Variants in IGF2R observed in about 807,000 individuals in gnomAD.
IGF2R encodes cation-independent mannose-6-phosphate receptor.
IGF2R carries 91 observed loss-of-function variants against 270.6 expected under a neutral mutation model. The observed-to-expected ratio is 0.34, with a 90% CI of 0.28 to 0.40. IGF2R has a LOEUF of 0.40. Ranked by LOEUF, IGF2R falls within the 10% of genes least tolerant of loss-of-function variation. IGF2R has a pLI of 1.00. For synonymous variants in IGF2R, 1,316 were observed against 1,258.9 expected (o/e 1.05, Z -0.96); for missense variants, 2,805 against 3,188.3 (o/e 0.88, Z 2.90).
At chr6:159,973,959 TTTC>T (rs1783650592) in intron 1 of IGF2R, among the ~76,000 whole-genome samples, 1 of 152,222 alleles carries the variant, frequency 6.6e-6, no homozygotes, top group African/African-American at 2.4e-5. Context: ...TCTTCCTCCT[TTTC>T]TTCTTTGGAT....
intron 2 of IGF2R, among the ~76,000 whole-genome samples, chr6:159,996,189 C>T (rs1019010854): frequency 9.9e-4 from 150 of 152,220 alleles, no homozygotes; most frequent in African/African-American, 3.2e-3. Context: ...CACCGTCTCC[C>T]GCGGGGCCTG....
intron 1 of IGF2R, among the ~76,000 whole-genome samples, chr6:159,981,745 T>C (rs1025969646): frequency 2.0e-5 from 3 of 152,148 alleles, no homozygotes; most frequent in African/African-American, 7.2e-5. Context: ...TTTCTTAGGG[T>C]AGCGTGCCCC....
intron 17 of IGF2R, 128 bp from the exon 18 acceptor site, chr6:160,048,247 A>C: frequency 2.2e-6 from 2 of 902,854 alleles, no homozygotes; most frequent in Non-Finnish European, 3.5e-6. Flanking sequence ...AGACAAGCCA[A>C]CTCCTGGTAG....
Position 160,084,798 on chromosome 6 carries a change from GCTCCCT to G in IGF2R, c.6069-196_6069-191del, listed in dbSNP as rs1779063980. Reference sequence around the variant, plus strand: ...CACTCCGCGTGTGTCTGGTTGGTGAGCTCCCTTCTTCAGTGAAGACTTCTTTTGCCC... The same window carrying G: ...CACTCCGCGTGTGTCTGGTTGGTGAGTCTTCAGTGAAGACTTCTTTTGCCC... On this transcript the variant is annotated intron_variant, in intron 40 of 47. Transcript: ENST00000356956. The surrounding 1 kb of genome is among the most constrained non-coding windows in gnomAD (Gnocchi z 4.6). Among the ~76,000 whole-genome samples, 1 of 152,006 alleles carries G rather than the reference GCTCCCT, an allele frequency of 6.6e-6. No individual in the cohort carries two copies. Among genetic ancestry groups the G allele is most frequent in the Non-Finnish European group, 1.5e-5 (1 of 67,998 alleles).
rs367807287 is a variant in IGF2R, at chr6:159,980,921, C to T, written c.150-10263C>T. 1.2e-4 allele frequency among the ~76,000 whole-genome samples: 19 copies of T among 152,164 alleles called. 1 individual carries two copies. Among genetic ancestry groups the T allele is most frequent in the South Asian group, 6.2e-4 (3 of 4,834 alleles). On this transcript the variant is annotated intron_variant, in intron 1 of 47. Transcript: ENST00000356956. ...ATACATGAGGAGCAAAGTATGAGAC[C>T]GCCCAGGTAATTGCTCTGATTGGAA...
chr6:160,010,491 TTTA>T, intron 3 of IGF2R, 193 bp from the exon 4 acceptor site: 1 of 487,576 alleles, frequency 2.1e-6, no homozygotes. Context: ...CCAACATGAT[TTTA>T]TGAAGCTTTG....
At chr6:159,980,211 GAAAGAAAGAAAGA>G (rs1783767346) in intron 1 of IGF2R, among the ~76,000 whole-genome samples, 1 of 78,404 alleles carries the variant, frequency 1.3e-5, no homozygotes, top group African/African-American at 4.5e-5. Flanking sequence ...AAGAAAGAAA[GAAAGAAAGAAAGA>G]AAGAAAGAAA....
Position 160,040,612 on chromosome 6 carries a change from C to T in IGF2R, c.1368C>T (p.Tyr456=), listed in dbSNP as rs764702189. 22 of 1,614,122 alleles carry T rather than the reference C, an allele frequency of 1.4e-5. 1 individual carries two copies. Among genetic ancestry groups the T allele is most frequent in the East Asian group, 1.1e-4 (5 of 44,872 alleles). ...PVFTGEVDCT[Y]FFTWDTEYAC... ...TCACAGGGGAGGTTGACTGCACCTA[C>T]TTCTTCACATGGGACACGGAATACG... Residue 456 remains tyrosine, a synonymous_variant, in exon 11 of 48, where the codon TAC becomes TAT. Coordinates refer to ENST00000356956, the MANE Select transcript of IGF2R (RefSeq NM_000876.4).
rs1169623955 is a variant in IGF2R at position 160,104,867 on chromosome 6, A to G, written c.7259A>G (p.Lys2420Arg). 6.2e-7 allele frequency: 1 copy of G among 1,614,052 alleles called. No homozygotes were observed. Among genetic ancestry groups the G allele is most frequent in the African/African-American group, 1.3e-5 (1 of 74,930 alleles). ...EDEVLTIPEV[K>R]VHSGRGAGAE... ...GAGGTTCTGACCATCCCAGAGGTGAAAGTTCACTCGGGCAGGGGAGCTGGG... is the reference window on the plus strand; with the variant it reads ...GAGGTTCTGACCATCCCAGAGGTGAGAGTTCACTCGGGCAGGGGAGCTGGG... The change falls in exon 48 of 48, where the codon AAA becomes AGA. Residue 2420 changes from lysine (K) to arginine (R), a missense_variant. Physicochemically the swap from Lys to Arg is conservative, Grantham distance 26 (BLOSUM62 2). This residue lies in a region of IGF2R where 1,851 missense variants were observed against 2,207.2 expected (regional missense o/e 0.84). Transcript: ENST00000356956.
At position 160,029,369 on chromosome 6, in the gene IGF2R, C is replaced by CT. The variant is rs57359755; in HGVS notation, c.777-169dup. On this transcript the variant is annotated intron_variant, in intron 6 of 47. Coordinates refer to ENST00000356956, the MANE Select transcript of IGF2R (RefSeq NM_000876.4). ...AACACTCACTGGAGTTTACTTAAAA[C>CT]TTTTTTTTTTTTCAAATGGAAATAA... is the stretch of plus-strand genomic sequence containing the variant. Among the ~76,000 whole-genome samples, 43 of 147,236 alleles carry CT rather than the reference C, an allele frequency of 2.9e-4. 1 individual carries two copies. The highest frequency in any genetic ancestry group is 1.1e-3 in the Admixed American group (17 of 14,944).
chr6:160,062,722 G>C (rs1778468430), intron 26 of IGF2R, 103 bp downstream of exon 26: 1 of 780,682 alleles, frequency 1.3e-6, no homozygotes, highest in Non-Finnish European at 2.1e-6. Flanking sequence ...GCCATAGCTG[G>C]GGTCATGAGA....
chr6:160,034,169 T>C (rs1583271511), intron 9 of IGF2R, among the ~76,000 whole-genome samples: 1 of 152,366 alleles, frequency 6.6e-6, no homozygotes, highest in African/African-American at 2.4e-5. Flanking sequence ...GAAGTCTTCA[T>C]GCTCACAGCA....
intron 44 of IGF2R, chr6:160,093,702 G>A: frequency 2.6e-6 from 2 of 757,460 alleles, no homozygotes; most frequent in African/African-American, 1.7e-5. Context: ...AATGAAAAGA[G>A]CAAAGTTGTG....
intron 1 of IGF2R, among the ~76,000 whole-genome samples, chr6:159,975,724 A>G (rs972441599): frequency 3.4e-5 from 5 of 147,048 alleles, no homozygotes; most frequent in East Asian, 3.9e-4. Flanking sequence ...TTGTGTATAT[A>G]TTATATAAGC....
chr6:160,042,021 G>A (rs765075846), intron 11 of IGF2R, among the ~76,000 whole-genome samples: 1 of 151,528 alleles, frequency 6.6e-6, no homozygotes, highest in African/African-American at 2.4e-5. Flanking sequence ...ACATTACTGT[G>A]TATAAGAGAC....
At chr6:159,995,895 CTTTTTTT>C (rs35974914) in intron 2 of IGF2R, among the ~76,000 whole-genome samples, 2 of 98,770 alleles carry the variant, frequency 2.0e-5, no homozygotes, top group Non-Finnish European at 4.3e-5. Flanking sequence ...TTGCAGCGCT[CTTTTTTT>C]TTTTTTTTTT....
At position 159,969,172 on chromosome 6, in the gene IGF2R, C is replaced by T. The variant is rs1394890269; in HGVS notation, c.-75C>T. On this transcript the variant is annotated 5_prime_UTR_variant, in exon 1 of 48. Transcript: ENST00000356956. Reference sequence around the variant, plus strand: ...CTCCGCCTTTGCCCTGGCGGCGCGACCCCGTCCCGGGCGCGGCCCCCAGCA... The same window carrying T: ...CTCCGCCTTTGCCCTGGCGGCGCGATCCCGTCCCGGGCGCGGCCCCCAGCA... The T allele has an allele frequency of 1.1e-6, 1 of 896,192 alleles. No individual in the cohort carries two copies. The highest frequency in any genetic ancestry group is 1.2e-4 in the East Asian group (1 of 8,198). The allele number at this position is 896,192 out of a possible 1,614,324, so 55.5% of individuals were successfully genotyped here.
rs955944213 is a variant in IGF2R at position 160,109,565 on chromosome 6, A to G, written c.*4481A>G. ...AAGGTGCCACCATCAGAACCACAAT[A>G]TGTGGGGACGGTACTGCCAGCTAAG... On this transcript the variant is annotated 3_prime_UTR_variant, in exon 48 of 48. Coordinates refer to ENST00000356956, the MANE Select transcript of IGF2R (RefSeq NM_000876.4). The G allele has an allele frequency of 2.0e-5, 3 of 152,186 alleles. No individual in the cohort carries two copies. The highest frequency in any genetic ancestry group is 7.2e-5 in the African/African-American group (3 of 41,436). The allele number at this position is 152,186 out of a possible 1,614,324, so 9.4% of individuals were successfully genotyped here.
chr6:160,092,457 G>C (rs1226126648), intron 44 of IGF2R, among the ~76,000 whole-genome samples: 1 of 152,258 alleles, frequency 6.6e-6, no homozygotes, highest in Non-Finnish European at 1.5e-5. Context: ...CAGAGTGCTT[G>C]TGCATGCGCA....
Sources: gnomAD v4.1 joint callset for allele counts (sites outside exome capture counted in the v4.1 genomes callset) on GRCh38, gnomAD v4.1.1 for gene constraint, gnomAD v4.1.1 regional missense constraint, Gnocchi (gnomAD v3.1) non-coding constraint, MANE v1.5 for transcripts, NCBI Gene and HGNC (gene_info 2026-07-23, HGNC 2026-07-21) for gene names.